SPRYD4: variants seen among roughly 807,000 people sequenced by gnomAD.
The protein encoded by SPRYD4 is SPRY domain containing 4.
SPRYD4 carries 12 observed loss-of-function variants against 16.6 expected under a neutral mutation model. The observed-to-expected ratio is 0.72, with a 90% confidence interval of 0.46 to 1.17. The LOEUF is 1.17. SPRYD4 is among the 50% of genes most tolerant of loss of function. SPRYD4 has a pLI of 0.00. For missense variants in SPRYD4, 260 were observed against 260.2 expected (o/e 1.00, Z 0.00); for synonymous variants, 98 against 105.4 (o/e 0.93, Z 0.43).
chr12:56,472,357 C>T lies in SPRYD4; in HGVS notation c.*2780C>T, dbSNP rs1174962405. ...ATCTTTTTTCCATATCCAGATGAGACTGTTATACTCATATTAGAGAGATGG... is the reference window on the plus strand; with the variant it reads ...ATCTTTTTTCCATATCCAGATGAGATTGTTATACTCATATTAGAGAGATGG... On this transcript the variant is annotated 3_prime_UTR_variant, in exon 2 of 2. Coordinates refer to ENST00000338146, the MANE Select transcript of SPRYD4 (RefSeq NM_207344.4). 3.2e-6 allele frequency: 2 copies of T among 634,394 alleles called. No individual in the cohort carries two copies. The highest frequency in any genetic ancestry group is 5.5e-6 in the Non-Finnish European group (2 of 361,128). 39.3% of individuals were successfully genotyped at this position (634,394 alleles called of 1,614,324 possible).
Position 56,479,012 on chromosome 12 carries a change from C to T in SPRYD4, c.*9435C>T. 6.4e-7 allele frequency: 1 copy of T among 1,570,906 alleles called. No homozygotes were observed. Among genetic ancestry groups the T allele is most frequent in the Non-Finnish European group, 8.6e-7 (1 of 1,163,918 alleles). ...AAAAAAAAAAAAAAAAAAAATCTGGCCCAGGTCCCTGACCCCTCCCTTAGT... is the reference window on the plus strand; with the variant it reads ...AAAAAAAAAAAAAAAAAAAATCTGGTCCAGGTCCCTGACCCCTCCCTTAGT... On this transcript the variant is annotated 3_prime_UTR_variant, in exon 2 of 2. Coordinates refer to ENST00000338146, the MANE Select transcript of SPRYD4 (RefSeq NM_207344.4).
chr12:56,471,976 G>A lies in SPRYD4; in HGVS notation c.*2399G>A. ...TTGTACCCTGCAGCACTCAGTCATA[G>A]TCTAGCTGCAAACCGAAGGGTGTCT... On this transcript the variant is annotated 3_prime_UTR_variant, in exon 2 of 2. Coordinates refer to ENST00000338146, the MANE Select transcript of SPRYD4 (RefSeq NM_207344.4). 7.9e-7 allele frequency: 1 copy of A among 1,262,560 alleles called. No individual in the cohort carries two copies. The highest frequency in any genetic ancestry group is 1.1e-6 in the Non-Finnish European group (1 of 871,646). 78.2% of individuals were successfully genotyped at this position (1,262,560 alleles called of 1,614,324 possible). A position where few individuals can be genotyped will look rare whatever the true frequency, so the allele number is the denominator to read the frequency against.
At position 56,469,392 on chromosome 12, in the gene SPRYD4, C is replaced by T. The variant is rs553429543; in HGVS notation, c.439C>T (p.Gln147Ter). The change falls in exon 2 of 2, where the codon CAG (glutamine) becomes TAG (stop). Residue 147 changes from glutamine to a stop codon, truncating the protein, a stop_gained. Coordinates refer to ENST00000338146, the MANE Select transcript of SPRYD4 (RefSeq NM_207344.4). LOFTEE classifies it high-confidence loss of function. ...NEKAPVEGIGQPEKVGLLLEY... is the reference protein window; with the variant it reads ...NEKAPVEGIG ...GAAAGCCCCAGTTGAGGGTATTGGG[C>T]AGCCAGAGAAGGTGGGGCTGTTGCT... 3.1e-6 allele frequency: 5 copies of T among 1,614,072 alleles called. No individual in the cohort carries two copies. The South Asian group carries it at 5.5e-5, about 18-fold the overall frequency.
In SPRYD4 at chr12:56,475,623, C is replaced by G. The variant is rs1191485742; in HGVS notation, c.*6046C>G. 1.2e-6 allele frequency: 2 copies of G among 1,613,942 alleles called. No individual in the cohort carries two copies. The highest frequency in any genetic ancestry group is 2.7e-5 in the African/African-American group (2 of 74,900). On this transcript the variant is annotated 3_prime_UTR_variant, in exon 2 of 2. Coordinates refer to ENST00000338146, the MANE Select transcript of SPRYD4 (RefSeq NM_207344.4). The stretch of plus-strand genomic sequence containing the variant: ...AGTCAGTCCTCTGAGTAGGGACTTA[C>G]GTGGCATTGCTGAAACCCATGTATT...
rs753677263 is a variant in SPRYD4, at chr12:56,473,136, G to A, written c.*3559G>A. 61 of 1,149,724 alleles carry A rather than the reference G, an allele frequency of 5.3e-5. No individual in the cohort carries two copies. The highest frequency in any genetic ancestry group is 1.2e-4 in the East Asian group (5 of 42,330). 71.2% of individuals were successfully genotyped at this position (1,149,724 alleles called of 1,614,324 possible). ...GATCTCCTGACCTTGTGATCCGCCCGCCTTGGCCTCTCAAAGTGCAGGGAT... is the reference window on the plus strand; with the variant it reads ...GATCTCCTGACCTTGTGATCCGCCCACCTTGGCCTCTCAAAGTGCAGGGAT... On this transcript the variant is annotated 3_prime_UTR_variant, in exon 2 of 2. Transcript: ENST00000338146.
chr12:56,468,801 A>C (rs1213025148), intron 1 of SPRYD4, 125 bp downstream of exon 1: 1 of 1,165,944 alleles, frequency 8.6e-7, no homozygotes, highest in Non-Finnish European at 1.2e-6. Context: ...CTTGGTCTTA[A>C]GATTCCAAAC....
chr12:56,474,109 TGAG>T lies in SPRYD4; in HGVS notation c.*4533_*4535del. 1 of 169,290 alleles carries T rather than the reference TGAG, an allele frequency of 5.9e-6. No individual in the cohort carries two copies. Among genetic ancestry groups the T allele is most frequent in the Non-Finnish European group, 1.3e-5 (1 of 79,256 alleles). The allele number at this position is 169,290 out of a possible 1,614,324, so 10.5% of individuals were successfully genotyped here. ...TTCTTTTTCTTTTTTTCTTTTTTTTTGAGATGGAGTTTTGCTCTTGTTGCCCAG... is the reference window on the plus strand; with the variant it reads ...TTCTTTTTCTTTTTTTCTTTTTTTTTATGGAGTTTTGCTCTTGTTGCCCAG... On this transcript the variant is annotated 3_prime_UTR_variant, in exon 2 of 2. Coordinates refer to ENST00000338146, the MANE Select transcript of SPRYD4 (RefSeq NM_207344.4).
Position 56,471,873 on chromosome 12 carries a change from G to C in SPRYD4, c.*2296G>C. ...GGCAGAAGGAAAATGAGAAGGCGCAGGTCTTGAACCCTTTGGTGCAGACAC... is the reference window on the plus strand; with the variant it reads ...GGCAGAAGGAAAATGAGAAGGCGCACGTCTTGAACCCTTTGGTGCAGACAC... On this transcript the variant is annotated 3_prime_UTR_variant, in exon 2 of 2. Coordinates refer to ENST00000338146, the MANE Select transcript of SPRYD4 (RefSeq NM_207344.4). 1 of 1,600,602 alleles carries C rather than the reference G, an allele frequency of 6.2e-7. No homozygotes were observed. The highest frequency in any genetic ancestry group is 8.6e-7 in the Non-Finnish European group (1 of 1,168,776).
Position 56,473,684 on chromosome 12 carries a change from A to G in SPRYD4, c.*4107A>G. On this transcript the variant is annotated 3_prime_UTR_variant, in exon 2 of 2. Coordinates refer to ENST00000338146, the MANE Select transcript of SPRYD4 (RefSeq NM_207344.4). The stretch of plus-strand genomic sequence containing the variant: ...AGGCTGTACTCTTAACAAGTTTACA[A>G]ATGACTGCATGACCACAATCCACCT... The G allele has an allele frequency of 6.8e-7, 1 of 1,472,048 alleles. No homozygotes were observed. Among genetic ancestry groups the G allele is most frequent in the Non-Finnish European group, 9.1e-7 (1 of 1,101,408 alleles). The allele number at this position is 1,472,048 out of a possible 1,614,324, so 91.2% of individuals were successfully genotyped here. A position where few individuals can be genotyped will look rare whatever the true frequency, so the allele number is the denominator to read the frequency against.
In SPRYD4 at chr12:56,473,388, A is replaced by G; in HGVS notation, c.*3811A>G. ...CTTAGTAGGAGCTCAAAATTGCTTTATTATAGTAAAAGTGGTACCATTAAA... is the reference window on the plus strand; with the variant it reads ...CTTAGTAGGAGCTCAAAATTGCTTTGTTATAGTAAAAGTGGTACCATTAAA... On this transcript the variant is annotated 3_prime_UTR_variant, in exon 2 of 2. Transcript: ENST00000338146. 1 of 1,606,126 alleles carries G rather than the reference A, an allele frequency of 6.2e-7. No homozygotes were observed. Among genetic ancestry groups the G allele is most frequent in the Non-Finnish European group, 8.5e-7 (1 of 1,175,566 alleles).
chr12:56,477,741 G>C lies in SPRYD4; in HGVS notation c.*8164G>C. 2 of 1,607,656 alleles carry C rather than the reference G, an allele frequency of 1.2e-6. No individual in the cohort carries two copies. The highest frequency in any genetic ancestry group is 8.5e-7 in the Non-Finnish European group (1 of 1,176,696). The stretch of plus-strand genomic sequence containing the variant: ...TTCCTGGGGAAATACAAACCACCAA[G>C]AGTCTTAGCCACTGAACAAAGCCTC... On this transcript the variant is annotated 3_prime_UTR_variant, in exon 2 of 2. Transcript: ENST00000338146.
At position 56,472,186 on chromosome 12, in the gene SPRYD4, C is replaced by T. The variant is rs34265700; in HGVS notation, c.*2609C>T. Reference sequence around the variant, plus strand: ...CTTTCTGTTCCATATCCATGGCTGACAAGGCAAACCTGAGGGTAGTGGGAA... The same window carrying T: ...CTTTCTGTTCCATATCCATGGCTGATAAGGCAAACCTGAGGGTAGTGGGAA... On this transcript the variant is annotated 3_prime_UTR_variant, in exon 2 of 2. Transcript: ENST00000338146. 26,580 of 1,614,056 alleles carry T rather than the reference C, an allele frequency of 0.016. 347 individuals carry two copies. Among genetic ancestry groups the T allele is most frequent in the African/African-American group, 0.064 (4,835 of 75,004 alleles).
At position 56,473,646 on chromosome 12, in the gene SPRYD4, A is replaced by T. The variant is rs781679296; in HGVS notation, c.*4069A>T. 6.4e-7 allele frequency: 1 copy of T among 1,567,318 alleles called. No homozygotes were observed. Among genetic ancestry groups the T allele is most frequent in the Admixed American group, 1.8e-5 (1 of 54,614 alleles). On this transcript the variant is annotated 3_prime_UTR_variant, in exon 2 of 2. Coordinates refer to ENST00000338146, the MANE Select transcript of SPRYD4 (RefSeq NM_207344.4). ...TAAAGTGGGTGTGCCCCAAATCAGA[A>T]AATAAACAAGTTAGGCTGTACTCTT... is the stretch of plus-strand genomic sequence containing the variant.
chr12:56,478,877 G>A lies in SPRYD4; in HGVS notation c.*9300G>A, dbSNP rs187757673. 9.7e-4 allele frequency: 694 copies of A among 713,226 alleles called. 1 individual carries two copies. Among genetic ancestry groups the A allele is most frequent in the Non-Finnish European group, 1.4e-3 (618 of 449,778 alleles). The allele number at this position is 713,226 out of a possible 1,614,324, so 44.2% of individuals were successfully genotyped here. On this transcript the variant is annotated 3_prime_UTR_variant, in exon 2 of 2. Transcript: ENST00000338146. ...GCATGGTGGTGTATGCCAGCTACTC[G>A]GGAGGCTGAGACAGGAGAATCGCTT...
chr12:56,475,919 A>C lies in SPRYD4; in HGVS notation c.*6342A>C, dbSNP rs1287882411. The C allele has an allele frequency of 6.2e-7, 1 of 1,613,244 alleles. No homozygotes were observed. The highest frequency in any genetic ancestry group is 8.5e-7 in the Non-Finnish European group (1 of 1,179,390). The stretch of plus-strand genomic sequence containing the variant: ...CAGCATGCCATGGCGAAATGCAGCC[A>C]GGGGCTAAGTAGCAAGGGAACTTAC... On this transcript the variant is annotated 3_prime_UTR_variant, in exon 2 of 2. Coordinates refer to ENST00000338146, the MANE Select transcript of SPRYD4 (RefSeq NM_207344.4).
rs373850631 is a variant in SPRYD4, at chr12:56,471,815, A to T, written c.*2238A>T. 1.9e-5 allele frequency: 31 copies of T among 1,613,962 alleles called. No homozygotes were observed. Among genetic ancestry groups the T allele is most frequent in the Non-Finnish European group, 2.5e-5 (30 of 1,180,024 alleles). Reference sequence around the variant, plus strand: ...ATTCACTTTGCAAGCCTCGATCAGGAATTTAACAACTTCGATGTGTCCTAG... The same window carrying T: ...ATTCACTTTGCAAGCCTCGATCAGGTATTTAACAACTTCGATGTGTCCTAG... On this transcript the variant is annotated 3_prime_UTR_variant, in exon 2 of 2. Coordinates refer to ENST00000338146, the MANE Select transcript of SPRYD4 (RefSeq NM_207344.4).
In SPRYD4 at chr12:56,471,520, GGCCTCAGCTGCT is replaced by G. The variant is rs755860508; in HGVS notation, c.*1952_*1963del. The stretch of plus-strand genomic sequence containing the variant: ...TGCTTTCTAAGTTCTCTTTGGACAG[GGCCTCAGCTGCT>G]GCCTCAGCCTGAGTTTCAGAGAGTG... On this transcript the variant is annotated 3_prime_UTR_variant, in exon 2 of 2. Coordinates refer to ENST00000338146, the MANE Select transcript of SPRYD4 (RefSeq NM_207344.4). 1.9e-6 allele frequency: 3 copies of G among 1,614,024 alleles called. No individual in the cohort carries two copies. Among genetic ancestry groups the G allele is most frequent in the Non-Finnish European group, 2.5e-6 (3 of 1,179,976 alleles).
In SPRYD4 at chr12:56,478,754, A is replaced by G; in HGVS notation, c.*9177A>G. 1 of 292,126 alleles carries G rather than the reference A, an allele frequency of 3.4e-6. No homozygotes were observed. The highest frequency in any genetic ancestry group is 6.5e-6 in the Non-Finnish European group (1 of 154,916). The allele number at this position is 292,126 out of a possible 1,614,324, so 18.1% of individuals were successfully genotyped here. A position where few individuals can be genotyped will look rare whatever the true frequency, so the allele number is the denominator to read the frequency against. ...ATGCCTGTAATCCCAGCACTTTGGG[A>G]GGCCGAGGTGGGTGGATCACTTGAG... is the stretch of plus-strand genomic sequence containing the variant. On this transcript the variant is annotated 3_prime_UTR_variant, in exon 2 of 2. Coordinates refer to ENST00000338146, the MANE Select transcript of SPRYD4 (RefSeq NM_207344.4).
Position 56,469,807 on chromosome 12 carries a change from T to C in SPRYD4, c.*230T>C. On this transcript the variant is annotated 3_prime_UTR_variant, in exon 2 of 2. Transcript: ENST00000338146. ...CTACTGCCAATTTCCTAGGCTACCA[T>C]GGGTGTATCTTCCTTGACCTGCTTC... 2 of 567,090 alleles carry C rather than the reference T, an allele frequency of 3.5e-6. No homozygotes were observed. The highest frequency in any genetic ancestry group is 6.3e-6 in the Non-Finnish European group (2 of 318,034). 35.1% of individuals were successfully genotyped at this position (567,090 alleles called of 1,614,324 possible).
Sources: gnomAD v4.1 joint callset for allele counts on GRCh38, gnomAD v4.1.1 for gene constraint, MANE v1.5 for transcripts, NCBI Gene and HGNC (gene_info 2026-07-23, HGNC 2026-07-21) for gene names.